DAZAP1: variants seen among roughly 807,000 people sequenced by gnomAD.
DAZAP1 encodes DAZ associated protein 1.
DAZAP1 carries 6 observed loss-of-function variants against 60.1 expected under a neutral mutation model. The observed-to-expected ratio is 0.10, with a 90% CI of 0.05 to 0.20. The LOEUF (loss-of-function observed/expected upper bound fraction) is 0.20. Among genes scored for constraint, DAZAP1 ranks in the 10% least tolerant of loss-of-function variants. The probability of loss-of-function intolerance (pLI) is 1.00; values close to 1 mark genes in which losing one functional copy is unlikely to be tolerated. For synonymous variants in DAZAP1, 235 were observed against 215.9 expected (o/e 1.09, Z -0.78); for missense variants, 366 against 560.4 (o/e 0.65, Z 3.50).
In DAZAP1 at chr19:1,416,248, G is replaced by T. The variant is rs1367628679; in HGVS notation, c.30-1252G>T. Reference sequence around the variant, plus strand: ...TTTTTGCTGAAAGCCGAAGCCAAGGGTGGTGTGGTTGGCCGTCAGGGATAC... The same window carrying T: ...TTTTTGCTGAAAGCCGAAGCCAAGGTTGGTGTGGTTGGCCGTCAGGGATAC... On this transcript the variant is annotated intron_variant, in intron 1 of 11. Transcript: ENST00000233078. This position sits in a 1 kb window ranked among gnomAD's most constrained non-coding sequence, Gnocchi z 4.3. 1 of 152,234 alleles carries T rather than the reference G, an allele frequency of 6.6e-6. No individual in the cohort carries two copies. The highest frequency in any genetic ancestry group is 2.1e-4 in the South Asian group (1 of 4,832). The allele number at this position is 152,234 out of a possible 1,614,324, so 9.4% of individuals were successfully genotyped here.
chr19:1,410,920 G>T (rs1376902043), intron 1 of DAZAP1, among the ~76,000 whole-genome samples: 1 of 152,256 alleles, frequency 6.6e-6, no homozygotes, highest in Non-Finnish European at 1.5e-5. Context: ...CCTCTGGGCA[G>T]CTTCGAGGAT....
chr19:1,415,353 ATGTGTGTGTG>A lies in DAZAP1; in HGVS notation c.30-2119_30-2110del, dbSNP rs61360796. 2.9e-3 allele frequency among the ~76,000 whole-genome samples: 314 copies of A among 109,404 alleles called. 1 individual carries two copies. The highest frequency in any genetic ancestry group is 9.5e-3 in the African/African-American group (251 of 26,306). 71.8% of individuals were successfully genotyped at this position (109,404 alleles called of 152,430 possible). On this transcript the variant is annotated intron_variant, in intron 1 of 11. Coordinates refer to ENST00000233078, the MANE Select transcript of DAZAP1 (RefSeq NM_018959.4). ...GATTTGGTTTGGTTTTCAGGGTTTTATGTGTGTGTGTGTGTGTGTGTGTGTGTGTGTGTGT... is the reference window on the plus strand; with the variant it reads ...GATTTGGTTTGGTTTTCAGGGTTTTATGTGTGTGTGTGTGTGTGTGTGTGT...
At position 1,433,518 on chromosome 19, in the gene DAZAP1, C is replaced by T. The variant is rs980880056; in HGVS notation, c.1048+828C>T. 27 of 566,616 alleles carry T rather than the reference C, an allele frequency of 4.8e-5. No individual in the cohort carries two copies. Among genetic ancestry groups the T allele is most frequent in the Middle Eastern group, 4.7e-4 (1 of 2,130 alleles). The allele number at this position is 566,616 out of a possible 1,614,324, so 35.1% of individuals were successfully genotyped here. On this transcript the variant is annotated intron_variant, in intron 11 of 11. Transcript: ENST00000233078. The surrounding 1 kb of genome is among the most constrained non-coding windows in gnomAD (Gnocchi z 6.1). ...GGGAGCTGTGTTCGGCCGAGGTGCC[C>T]GCCCACCCACCTCGCATGGCTGTGG...
rs2082701240 is a variant in DAZAP1, at chr19:1,407,619, A to AGCCGCCGCCGCCGCCGTCGCC, written c.-139_-138insTCGCCGCCGCCGCCGCCGCCG. 4.2e-6 allele frequency: 1 copy of AGCCGCCGCCGCCGCCGTCGCC among 235,986 alleles called. No individual in the cohort carries two copies. The highest frequency in any genetic ancestry group is 6.6e-6 in the Non-Finnish European group (1 of 151,900). The allele number at this position is 235,986 out of a possible 1,614,324, so 14.6% of individuals were successfully genotyped here. A position where few individuals can be genotyped will look rare whatever the true frequency, so the allele number is the denominator to read the frequency against. ...ACCGTTGGCGCCGAGGGGAGGAGGC[A>AGCCGCCGCCGCCGCCGTCGCC]GCCGCCGCCGCCGCCGCCGCCGCCG... is the stretch of plus-strand genomic sequence containing the variant. On this transcript the variant is annotated 5_prime_UTR_variant, in exon 1 of 12. Coordinates refer to ENST00000233078, the MANE Select transcript of DAZAP1 (RefSeq NM_018959.4).
rs2144781797 is a variant in DAZAP1 at position 1,418,999 on chromosome 19, C to CCCTGTGTG, written c.303+271_303+278dup. Among the ~76,000 whole-genome samples the CCCTGTGTG allele has an allele frequency of 6.6e-6, 1 of 151,954 alleles. No individual in the cohort carries two copies. The highest frequency in any genetic ancestry group is 6.6e-5 in the Admixed American group (1 of 15,262). ...AGGAGCCAGTCAGCTTCCCTCTGTG[C>CCCTGTGTG]CCTGTGTGCCCTCTGTGCCGGGCCT... On this transcript the variant is annotated intron_variant, in intron 4 of 11. Transcript: ENST00000233078. This position sits in a 1 kb window ranked among gnomAD's most constrained non-coding sequence, Gnocchi z 5.7.
In DAZAP1 at chr19:1,428,631, A is replaced by G; in HGVS notation, c.547-211A>G. On this transcript the variant is annotated intron_variant, in intron 7 of 11. Coordinates refer to ENST00000233078, the MANE Select transcript of DAZAP1 (RefSeq NM_018959.4). This position sits in a 1 kb window ranked among gnomAD's most constrained non-coding sequence, Gnocchi z 4.0. ...TGTGTCTTACGGTTGCATCTGTTGT[A>G]CCTGAGAAACATTTTTTAAACAAAA... 1.6e-6 allele frequency: 1 copy of G among 619,362 alleles called. No homozygotes were observed. Among genetic ancestry groups the G allele is most frequent in the Admixed American group, 3.5e-5 (1 of 28,944 alleles). 38.4% of individuals were successfully genotyped at this position (619,362 alleles called of 1,614,324 possible). A position where few individuals can be genotyped will look rare whatever the true frequency, so the allele number is the denominator to read the frequency against.
chr19:1,430,013 AGAGCAAAGGCGGG>A lies in DAZAP1; in HGVS notation c.730+20_730+32del. Reference sequence around the variant, plus strand: ...AGGCGATTGGTAAGTCCTTGTTTATAGAGCAAAGGCGGGGACAGAAGCCACATGGCAGGCTGAC... The same window carrying A: ...AGGCGATTGGTAAGTCCTTGTTTATAGACAGAAGCCACATGGCAGGCTGAC... On this transcript the variant is annotated intron_variant, in intron 9 of 11. Transcript: ENST00000233078. 6.4e-7 allele frequency: 1 copy of A among 1,574,716 alleles called. No individual in the cohort carries two copies. Among genetic ancestry groups the A allele is most frequent in the Non-Finnish European group, 8.6e-7 (1 of 1,159,118 alleles).
chr19:1,413,685 C>G (rs1163202009), intron 1 of DAZAP1, among the ~76,000 whole-genome samples: 1 of 152,230 alleles, frequency 6.6e-6, no homozygotes, highest in African/African-American at 2.4e-5. Context: ...GCCTGTCATC[C>G]TAGCACTTTG....
At position 1,426,298 on chromosome 19, in the gene DAZAP1, C is replaced by G. The variant is rs918845700; in HGVS notation, c.546+338C>G. 3.0e-6 allele frequency: 1 copy of G among 336,422 alleles called. No homozygotes were observed. Among genetic ancestry groups the G allele is most frequent in the Non-Finnish European group, 5.7e-6 (1 of 174,922 alleles). The allele number at this position is 336,422 out of a possible 1,614,324, so 20.8% of individuals were successfully genotyped here. ...AGCGTTGCCTCAGGCTTGGTTTCCA[C>G]GACCACTCCTTCAGATGTCTGCAAA... On this transcript the variant is annotated intron_variant, in intron 7 of 11. Coordinates refer to ENST00000233078, the MANE Select transcript of DAZAP1 (RefSeq NM_018959.4). This position sits in a 1 kb window ranked among gnomAD's most constrained non-coding sequence, Gnocchi z 5.4.
intron 1 of DAZAP1, among the ~76,000 whole-genome samples, chr19:1,409,036 T>C (rs528146675): frequency 1.3e-5 from 2 of 152,334 alleles, no homozygotes; most frequent in South Asian, 4.1e-4. Context: ...GTCACACTTG[T>C]GGATGGGAAA....
At position 1,434,557 on chromosome 19, in the gene DAZAP1, G is replaced by C. The variant is rs1211645017; in HGVS notation, c.1049-180G>C. 2 of 586,708 alleles carry C rather than the reference G, an allele frequency of 3.4e-6. No individual in the cohort carries two copies. Among genetic ancestry groups the C allele is most frequent in the African/African-American group, 3.9e-5 (2 of 50,754 alleles). 36.3% of individuals were successfully genotyped at this position (586,708 alleles called of 1,614,324 possible). ...CCCCTGCTCACATGTTTTTGAGGGAGAGAACATGCCCGGGGTCCTCTCCCC... is the reference window on the plus strand; with the variant it reads ...CCCCTGCTCACATGTTTTTGAGGGACAGAACATGCCCGGGGTCCTCTCCCC... On this transcript the variant is annotated intron_variant, in intron 11 of 11. Transcript: ENST00000233078. The surrounding 1 kb of genome is among the most constrained non-coding windows in gnomAD (Gnocchi z 8.0).
intron 1 of DAZAP1, among the ~76,000 whole-genome samples, chr19:1,408,024 C>T (rs1451692627): frequency 6.6e-6 from 1 of 151,286 alleles, no homozygotes; most frequent in African/African-American, 2.4e-5. Context: ...TCCCGGCTTC[C>T]CGTCCTGGGG....
chr19:1,421,905 G>A (rs2083167489), intron 5 of DAZAP1, among the ~76,000 whole-genome samples: 1 of 152,212 alleles, frequency 6.6e-6, no homozygotes, highest in African/African-American at 2.4e-5. Flanking sequence ...GGAAGAGCAG[G>A]GTCTGCAGAG....
At chr19:1,415,351 TTATGTGTG>T (rs1207079460) in intron 1 of DAZAP1, among the ~76,000 whole-genome samples, 1 of 69,940 alleles carries the variant, frequency 1.4e-5, no homozygotes, top group African/African-American at 4.4e-5. Context: ...TTTCAGGGTT[TTATGTGTG>T]TGTGTGTGTG....
chr19:1,415,959 T>C (rs1216316142), intron 1 of DAZAP1: 1 of 152,080 alleles, frequency 6.6e-6, no homozygotes, highest in Non-Finnish European at 1.5e-5. Context: ...ATGCTTTGTT[T>C]TTCACACACT....
chr19:1,408,544 C>CA (rs1057311384), intron 1 of DAZAP1, among the ~76,000 whole-genome samples: 2 of 152,232 alleles, frequency 1.3e-5, no homozygotes, highest in Non-Finnish European at 2.9e-5. Context: ...CCCACCCCCC[C>CA]AAAGTGGTAA....
chr19:1,424,324 C>G (rs888286464), intron 6 of DAZAP1, among the ~76,000 whole-genome samples: 3 of 142,672 alleles, frequency 2.1e-5, no homozygotes, highest in Non-Finnish European at 3.1e-5. Context: ...TCTTCCTCCT[C>G]CTCTTCCCCC....
intron 1 of DAZAP1, 151 bp downstream of exon 1, chr19:1,407,953 C>T (rs1483834622): frequency 1.9e-5 from 13 of 681,954 alleles, no homozygotes; most frequent in Non-Finnish European, 2.4e-5. Flanking sequence ...CGCGGCTTCG[C>T]GCCGGGGGCC....
At position 1,430,270 on chromosome 19, in the gene DAZAP1, C is replaced by CCCCCCTAAACA; in HGVS notation, c.779_780insCCCCCTAAACA (p.Phe262LeufsTer77). 1 of 1,368,642 alleles carries CCCCCCTAAACA rather than the reference C, an allele frequency of 7.3e-7. No homozygotes were observed. The highest frequency in any genetic ancestry group is 1.0e-6 in the Non-Finnish European group (1 of 979,198). The allele number at this position is 1,368,642 out of a possible 1,614,324, so 84.8% of individuals were successfully genotyped here. A position where few individuals can be genotyped will look rare whatever the true frequency, so the allele number is the denominator to read the frequency against. On this transcript the variant is annotated frameshift_variant, in exon 10 of 12. Transcript: ENST00000233078. LOFTEE classifies it high-confidence loss of function. ...GGAAGAGGAGCCCCCCCGCCACCCCCACCGTTCACCTCCTACATCGTGTCC... is the reference window on the plus strand; with the variant it reads ...GGAAGAGGAGCCCCCCCGCCACCCCCCCCCCTAAACAACCGTTCACCTCCTACATCGTGTCC...
Sources: gnomAD v4.1 joint callset for allele counts (sites outside exome capture counted in the v4.1 genomes callset) on GRCh38, gnomAD v4.1.1 for gene constraint, Gnocchi (gnomAD v3.1) non-coding constraint, MANE v1.5 for transcripts, NCBI Gene and HGNC (gene_info 2026-07-23, HGNC 2026-07-21) for gene names.